The following PCDHA5 variants were observed in gnomAD, a reference collection of about 807,000 sequenced individuals.
PCDHA5 encodes protocadherin alpha-5.
In PCDHA5, 43 loss-of-function variants were observed where a neutral mutation model predicts 61.6. That is an observed-to-expected ratio of 0.70 (90% CI 0.55 to 0.90). The LOEUF (loss-of-function observed/expected upper bound fraction) is 0.90, where lower values mean the gene tolerates loss of function less well. Among genes scored for constraint, PCDHA5 ranks in the 40% least tolerant of loss-of-function variants. PCDHA5 has a pLI of 0.00. For missense variants in PCDHA5, 1,298 were observed against 1,222.7 expected, an observed-to-expected ratio of 1.06 and a Z score of -0.92; for synonymous variants, 627 against 543.9, an observed-to-expected ratio of 1.15 and a Z score of -2.13.
chr5:140,838,091 T>A, intron 1 of PCDHA5, among the ~76,000 whole-genome samples: 1 of 139,550 alleles, frequency 7.2e-6, no homozygotes, highest in African/African-American at 2.7e-5. Context: ...TGTGTGTGTG[T>A]GTGTGTGTGT....
At chr5:140,830,385 C>A (rs2150185884) in intron 1 of PCDHA5, 12 of 1,614,120 alleles carry the variant, frequency 7.4e-6, no homozygotes, top group Non-Finnish European at 1.0e-5. Context: ...GAGGGCCCAC[C>A]CAAGATGGAT....
intron 1 of PCDHA5, chr5:140,870,136 A>G: frequency 6.2e-7 from 1 of 1,614,024 alleles, no homozygotes; most frequent in Non-Finnish European, 8.5e-7. Flanking sequence ...CACCAACGAT[A>G]ACTCTCCTGA....
At chr5:141,007,638 T>G (rs1393056593) in intron 3 of PCDHA5, among the ~76,000 whole-genome samples, 7 of 152,128 alleles carry the variant, frequency 4.6e-5, no homozygotes, top group African/African-American at 1.7e-4. Context: ...GCCCTCCCTG[T>G]ATTTGCCTAA....
intron 1 of PCDHA5, chr5:140,876,238 C>G (rs782170059): frequency 2.5e-6 from 4 of 1,613,896 alleles, no homozygotes; most frequent in Non-Finnish European, 3.4e-6. Context: ...TGAAAATGTC[C>G]AAAACGACAC....
At chr5:140,931,852 G>A (rs1177917853) in intron 1 of PCDHA5, among the ~76,000 whole-genome samples, 1 of 151,728 alleles carries the variant, frequency 6.6e-6, no homozygotes, top group Admixed American at 6.6e-5. Flanking sequence ...AATAACAACA[G>A]GATTCTAGAA....
chr5:140,876,839 C>G, intron 1 of PCDHA5: 1 of 1,614,116 alleles, frequency 6.2e-7, no homozygotes, highest in Non-Finnish European at 8.5e-7. Flanking sequence ...CCTGCGTTCG[C>G]GCAGCCCGAG....
intron 1 of PCDHA5, chr5:140,829,463 C>G (rs1245659020): frequency 6.2e-7 from 1 of 1,613,756 alleles, no homozygotes; most frequent in Non-Finnish European, 8.5e-7. Context: ...GTTCGCGCAG[C>G]CCGAGTACAC....
intron 1 of PCDHA5, chr5:140,836,191 A>T (rs2150255019): frequency 1.2e-6 from 2 of 1,613,828 alleles, no homozygotes; most frequent in Non-Finnish European, 1.7e-6. Context: ...GACTCAGGCT[A>T]CAACGCGTGG....
At chr5:140,980,436 C>T (rs1364418994) in intron 2 of PCDHA5, among the ~76,000 whole-genome samples, 1 of 152,134 alleles carries the variant, frequency 6.6e-6, no homozygotes, top group Admixed American at 6.5e-5. Context: ...TCGAGACCAT[C>T]CTGGACAACA....
At chr5:140,956,073 T>C (rs2095254120) in intron 1 of PCDHA5, among the ~76,000 whole-genome samples, 1 of 152,208 alleles carries the variant, frequency 6.6e-6, no homozygotes, top group South Asian at 2.1e-4. Context: ...TTTCCAGATA[T>C]AGGATCATGT....
At chr5:140,844,954 C>T (rs1258176227) in intron 1 of PCDHA5, among the ~76,000 whole-genome samples, 1 of 149,088 alleles carries the variant, frequency 6.7e-6, no homozygotes, top group African/African-American at 2.5e-5. Flanking sequence ...ACTCTGAATT[C>T]TTACAGTTTG....
rs1289602070 is a variant in PCDHA5, at chr5:140,823,010, T to A, written c.1235T>A (p.Leu412Gln). 3 of 1,614,120 alleles carry A rather than the reference T, an allele frequency of 1.9e-6. No homozygotes were observed. In the African/African-American group the frequency reaches 4.0e-5, roughly 22 times the overall value. Residue 412 changes from leucine (L) to glutamine (Q), a missense_variant, in exon 1 of 4, where the codon CTG (leucine) becomes CAG (glutamine). Coordinates refer to ENST00000529859, the MANE Select transcript of PCDHA5 (RefSeq NM_018908.3). Reference sequence around the variant, plus strand: ...TACTCGTTGGTGCTGGACAGCGCCCTGGACCGCGAGAGCGTGTCGGTCTAT... The same window carrying A: ...TACTCGTTGGTGCTGGACAGCGCCCAGGACCGCGAGAGCGTGTCGGTCTAT... ...NYYSLVLDSALDRESVSVYEL... is the reference protein window; with the variant it reads ...NYYSLVLDSAQDRESVSVYEL...
chr5:140,839,620 G>T (rs1299548975), intron 1 of PCDHA5, among the ~76,000 whole-genome samples: 2 of 151,980 alleles, frequency 1.3e-5, no homozygotes, highest in Non-Finnish European at 2.9e-5. Flanking sequence ...AAACTCCTGA[G>T]ATATCGAGAA....
chr5:140,858,380 C>G, intron 1 of PCDHA5: 1 of 1,583,962 alleles, frequency 6.3e-7, no homozygotes, highest in South Asian at 1.1e-5. Context: ...TCCACCATGC[C>G]CAATGGTAGA....
chr5:140,830,340 A>G (rs1554132759), intron 1 of PCDHA5: 16 of 1,613,958 alleles, frequency 9.9e-6, no homozygotes, highest in Non-Finnish European at 1.4e-5. Flanking sequence ...AGCTGGTCGT[A>G]CTCGCAGCAG....
chr5:140,897,762 A>C (rs572488219), intron 1 of PCDHA5, among the ~76,000 whole-genome samples: 15 of 152,204 alleles, frequency 9.9e-5, no homozygotes, highest in African/African-American at 2.7e-4. Context: ...AGGAATCGCC[A>C]CACTGACTTC....
intron 1 of PCDHA5, chr5:140,842,743 C>G: frequency 6.3e-7 from 1 of 1,595,140 alleles, no homozygotes; most frequent in Non-Finnish European, 8.6e-7. Flanking sequence ...GCTGCCACAT[C>G]TTCACGGTGT....
At chr5:140,850,454 C>A (rs2150484793) in intron 1 of PCDHA5, 7 of 1,597,724 alleles carry the variant, frequency 4.4e-6, no homozygotes, top group Non-Finnish European at 5.1e-6. Flanking sequence ...TGGTGAAAGA[C>A]CACGGGGAGC....
At chr5:140,876,724 G>C (rs140611870) in intron 1 of PCDHA5, 4 of 1,614,128 alleles carry the variant, frequency 2.5e-6, no homozygotes, top group Non-Finnish European at 2.5e-6. Context: ...CCGCGAGAGC[G>C]TGTCGGCCTA....
Sources: gnomAD v4.1 joint callset for allele counts (sites outside exome capture counted in the v4.1 genomes callset) on GRCh38, gnomAD v4.1.1 for gene constraint, MANE v1.5 for transcripts, NCBI Gene and HGNC (gene_info 2026-07-23, HGNC 2026-07-21) for gene names.